The following TYW3 variants were observed in gnomAD, a reference collection of about 807,000 sequenced individuals.
TYW3 encodes tRNA-yW synthesizing protein 3 homolog.
A neutral mutation model predicts 23.1 loss-of-function variants in TYW3; 26 were observed. The observed-to-expected ratio is 1.13, with a 90% CI of 0.83 to 1.56. The LOEUF is 1.56. TYW3 is among the 40% of genes most tolerant of loss of function. The pLI, the probability that TYW3 is intolerant of heterozygous loss-of-function variation, is 0.00. For missense variants in TYW3, 316 were observed against 311.9 expected (o/e 1.01, Z -0.10); for synonymous variants, 102 against 105.7 (o/e 0.97, Z 0.21).
chr1:74,741,910 G>C (rs933803681), intron 3 of TYW3, among the ~76,000 whole-genome samples: 2 of 152,182 alleles, frequency 1.3e-5, no homozygotes, highest in Non-Finnish European at 2.9e-5. Flanking sequence ...CACAGTGAAG[G>C]TGATATTGTA....
intron 3 of TYW3, among the ~76,000 whole-genome samples, chr1:74,743,309 G>A (rs1046889701): frequency 3.3e-5 from 5 of 151,970 alleles, no homozygotes; most frequent in Non-Finnish European, 7.4e-5. Flanking sequence ...CTCGGATCTC[G>A]CTTTTCCTTT....
At chr1:74,752,249 G>A (rs890262568) in intron 4 of TYW3, 43 bp from the exon 5 acceptor site, 2 of 1,542,164 alleles carry the variant, frequency 1.3e-6, no homozygotes, top group Non-Finnish European at 1.7e-6. Flanking sequence ...TTCAGTTTCT[G>A]TGGTATCTAA....
chr1:74,747,758 T>C (rs1200276043), intron 3 of TYW3, among the ~76,000 whole-genome samples: 4 of 151,440 alleles, frequency 2.6e-5, no homozygotes, highest in Non-Finnish European at 2.9e-5. Flanking sequence ...TATGTATATA[T>C]GTATGTGTAT....
chr1:74,760,173 T>C (rs1479764824), intron 5 of TYW3, among the ~76,000 whole-genome samples: 1 of 152,200 alleles, frequency 6.6e-6, no homozygotes, highest in African/African-American at 2.4e-5. Context: ...CAAAAGCCTT[T>C]GTCTTCATCG....
chr1:74,765,775 T>A lies in TYW3; in HGVS notation c.*1662T>A, dbSNP rs1417781975. 3 of 152,132 alleles carry A rather than the reference T, an allele frequency of 2.0e-5. No individual in the cohort carries two copies. The highest frequency in any genetic ancestry group is 4.4e-5 in the Non-Finnish European group (3 of 68,020). The allele number at this position is 152,132 out of a possible 1,614,324, so 9.4% of individuals were successfully genotyped here. On this transcript the variant is annotated 3_prime_UTR_variant, in exon 6 of 6. Transcript: ENST00000370867. ...ACTTTTCTTCATTCATTTAAATTGATCTCCAAGAAAACTATGTATTTTAAA... is the reference window on the plus strand; with the variant it reads ...ACTTTTCTTCATTCATTTAAATTGAACTCCAAGAAAACTATGTATTTTAAA...
rs765053913 is a variant in TYW3, at chr1:74,766,641, G to C, written c.*2528G>C. 7 of 152,130 alleles carry C rather than the reference G, an allele frequency of 4.6e-5. No homozygotes were observed. The highest frequency in any genetic ancestry group is 8.8e-5 in the Non-Finnish European group (6 of 68,004). The allele number at this position is 152,130 out of a possible 1,614,324, so 9.4% of individuals were successfully genotyped here. A position where few individuals can be genotyped will look rare whatever the true frequency, so the allele number is the denominator to read the frequency against. The stretch of plus-strand genomic sequence containing the variant: ...AACCAAATGTTCATTGTGAGCCAAG[G>C]TTAATTTATTGAAGAAATAAAACAT... On this transcript the variant is annotated 3_prime_UTR_variant, in exon 6 of 6. Coordinates refer to ENST00000370867, the MANE Select transcript of TYW3 (RefSeq NM_138467.3).
chr1:74,749,120 AG>A (rs1648689775), intron 4 of TYW3, among the ~76,000 whole-genome samples: 1 of 152,202 alleles, frequency 6.6e-6, no homozygotes, highest in African/African-American at 2.4e-5. Flanking sequence ...AAAGAGTCAC[AG>A]AGAGAGTTCA....
chr1:74,747,631 C>T (rs1283993239), intron 3 of TYW3, among the ~76,000 whole-genome samples: 21 of 134,882 alleles, frequency 1.6e-4, no homozygotes, highest in Non-Finnish European at 2.9e-4. Context: ...AGCGAGACTC[C>T]GTCTCAAAAA....
chr1:74,760,198 AG>A (rs1194143312), intron 5 of TYW3, among the ~76,000 whole-genome samples: 2 of 152,204 alleles, frequency 1.3e-5, no homozygotes, highest in Non-Finnish European at 2.9e-5. Context: ...CACCTTGAGT[AG>A]GCTGAGGAAG....
intron 2 of TYW3, among the ~76,000 whole-genome samples, chr1:74,738,224 T>A (rs1834191): frequency 0.073 from 11,091 of 152,298 alleles, 557 homozygotes; most frequent in Non-Finnish European, 0.11. Context: ...CTGCTATTTG[T>A]GAGCTTACTA....
intron 3 of TYW3, among the ~76,000 whole-genome samples, chr1:74,745,862 CA>C (rs769502597): frequency 6.6e-5 from 10 of 152,192 alleles, no homozygotes; most frequent in Non-Finnish European, 1.3e-4. Flanking sequence ...GGCTTGCAGG[CA>C]GCTGCCTTCT....
chr1:74,755,802 G>C (rs1234982152), intron 5 of TYW3, among the ~76,000 whole-genome samples: 1 of 152,170 alleles, frequency 6.6e-6, no homozygotes, highest in East Asian at 1.9e-4. Flanking sequence ...TAGCATGATA[G>C]ATAAAAAAGA....
chr1:74,739,170 TC>T (rs1648263448), intron 3 of TYW3, among the ~76,000 whole-genome samples: 3 of 152,132 alleles, frequency 2.0e-5, no homozygotes, highest in Admixed American at 1.3e-4. Flanking sequence ...GAGGTAAACA[TC>T]TGTTTAGTCT....
At chr1:74,748,234 A>G (rs1223723953) in intron 3 of TYW3, among the ~76,000 whole-genome samples, 5 of 152,156 alleles carry the variant, frequency 3.3e-5, no homozygotes, top group Non-Finnish European at 5.9e-5. Flanking sequence ...AAAATAAGGG[A>G]CCCATGTCTG....
At chr1:74,746,107 G>A (rs1347268373) in intron 3 of TYW3, among the ~76,000 whole-genome samples, 1 of 152,188 alleles carries the variant, frequency 6.6e-6, no homozygotes, top group African/African-American at 2.4e-5. Flanking sequence ...CCACCTAAGT[G>A]AAAATTTCAA....
intron 5 of TYW3, among the ~76,000 whole-genome samples, chr1:74,762,049 T>C (rs1381936603): frequency 6.6e-6 from 1 of 152,126 alleles, no homozygotes; most frequent in Non-Finnish European, 1.5e-5. Context: ...TAAATTTAAC[T>C]CTGTGTCTGT....
At chr1:74,741,977 G>A (rs140769401) in intron 3 of TYW3, among the ~76,000 whole-genome samples, 44 of 152,298 alleles carry the variant, frequency 2.9e-4, no homozygotes, top group African/African-American at 9.9e-4. Context: ...CCAGATCATT[G>A]TTGCTCTGTA....
In TYW3 at chr1:74,733,318, G is replaced by T. The variant is rs376484504; in HGVS notation, c.74G>T (p.Ser25Ile). ...AAAGCGGACCTCAGCCGGAAGGGCA[G>T]TGTTGACGAGGATGTGGTAGAGCTT... ...LSKADLSRKG[S>I]VDEDVVELVQ... The change falls in exon 1 of 6, where the codon AGT becomes ATT. Residue 25 changes from serine (S) to isoleucine (I), a missense_variant. By Grantham distance (142) the Ser-to-Ile change is moderately radical (BLOSUM62 -2). Coordinates refer to ENST00000370867, the MANE Select transcript of TYW3 (RefSeq NM_138467.3). 8 of 1,614,136 alleles carry T rather than the reference G, an allele frequency of 5.0e-6. No individual in the cohort carries two copies. Among genetic ancestry groups the T allele is most frequent in the African/African-American group, 1.3e-5 (1 of 74,950 alleles).
chr1:74,737,165 A>G (rs147401479), intron 2 of TYW3, among the ~76,000 whole-genome samples: 50 of 152,346 alleles, frequency 3.3e-4, no homozygotes, highest in African/African-American at 9.1e-4. Flanking sequence ...CAAAAAAGAT[A>G]ATTTATTTAA....
Sources: allele counts gnomAD v4.1 joint callset (sites outside exome capture counted in the v4.1 genomes callset), GRCh38; gene constraint gnomAD v4.1.1; transcripts MANE v1.5; gene names NCBI Gene and HGNC (gene_info 2026-07-23, HGNC 2026-07-21).